The following KITLG variants were observed in gnomAD, a reference collection of about 807,000 sequenced individuals.
The protein encoded by KITLG is c-Kit ligand.
Under a neutral mutation model 34.1 loss-of-function variants are expected in KITLG, and 13 were observed. The observed-to-expected ratio is 0.38, with a 90% CI of 0.25 to 0.61. The LOEUF (loss-of-function observed/expected upper bound fraction) is 0.61. Ranked by LOEUF, KITLG falls within the 20% of genes least tolerant of loss-of-function variation. KITLG has a pLI of 0.60. For synonymous variants in KITLG, 110 were observed against 104.0 expected, an observed-to-expected ratio of 1.06 and a Z score of -0.35; for missense variants, 292 against 318.9, an observed-to-expected ratio of 0.92 and a Z score of 0.64.
At chr12:88,503,031 G>A (rs1213770922) in intron 9 of KITLG, among the ~76,000 whole-genome samples, 4 of 152,072 alleles carry the variant, frequency 2.6e-5, no homozygotes, top group Non-Finnish European at 4.4e-5. Context: ...TCAAGCAAAC[G>A]GTCTATCCAT....
rs1178925370 is a variant in KITLG at position 88,493,865 on chromosome 12, C to T, written c.*3354G>A. ...ATTCAAGCAAAGGAAAAAGCCATCT[C>T]TTGTGTAAATGGTGATCCAATTCAC... On this transcript the variant is annotated 3_prime_UTR_variant, in exon 10 of 10. Coordinates refer to ENST00000644744, the MANE Select transcript of KITLG (RefSeq NM_000899.5). The T allele has an allele frequency of 6.6e-6, 1 of 151,892 alleles. No individual in the cohort carries two copies. Among genetic ancestry groups the T allele is most frequent in the East Asian group, 1.9e-4 (1 of 5,180 alleles). 9.4% of individuals were successfully genotyped at this position (151,892 alleles called of 1,614,324 possible). A position where few individuals can be genotyped will look rare whatever the true frequency, so the allele number is the denominator to read the frequency against.
At chr12:88,536,030 C>G (rs1048988121) in intron 2 of KITLG, among the ~76,000 whole-genome samples, 1 of 152,008 alleles carries the variant, frequency 6.6e-6, no homozygotes, top group Non-Finnish European at 1.5e-5. Flanking sequence ...GCAATTCCAA[C>G]AGAAACAAAA....
intron 6 of KITLG, among the ~76,000 whole-genome samples, chr12:88,511,429 G>A (rs1481229493): frequency 2.0e-5 from 3 of 152,148 alleles, no homozygotes; most frequent in East Asian, 1.9e-4. Flanking sequence ...AGATTGAGGT[G>A]TGGAAGACAG....
intron 6 of KITLG, among the ~76,000 whole-genome samples, chr12:88,511,027 C>T (rs1188792216): frequency 6.6e-6 from 1 of 152,110 alleles, no homozygotes; most frequent in East Asian, 1.9e-4. Flanking sequence ...TGAGTGACAT[C>T]ACCTAGCTAA....
intron 1 of KITLG, among the ~76,000 whole-genome samples, chr12:88,561,584 T>C (rs1191777033): frequency 6.6e-6 from 1 of 152,236 alleles, no homozygotes. Flanking sequence ...AGTATCTTCT[T>C]CTGGGAATAT....
chr12:88,506,166 C>A, intron 8 of KITLG, 145 bp downstream of exon 8: 1 of 678,502 alleles, frequency 1.5e-6, no homozygotes, highest in Non-Finnish European at 2.7e-6. Context: ...AGTGAGACAT[C>A]AGAAACATGG....
At chr12:88,524,412 T>G (rs950952402) in intron 3 of KITLG, among the ~76,000 whole-genome samples, 1 of 152,154 alleles carries the variant, frequency 6.6e-6, no homozygotes, top group Non-Finnish European at 1.5e-5. Context: ...TAATGAAAAT[T>G]TAGTGTATGA....
intron 1 of KITLG, among the ~76,000 whole-genome samples, chr12:88,571,283 T>G (rs991647122): frequency 2.0e-5 from 3 of 152,236 alleles, no homozygotes; most frequent in African/African-American, 4.8e-5. Context: ...CTATCTCTTT[T>G]AATTATCACA....
At chr12:88,557,686 G>A (rs1871142216) in intron 1 of KITLG, among the ~76,000 whole-genome samples, 1 of 152,102 alleles carries the variant, frequency 6.6e-6, no homozygotes, top group African/African-American at 2.4e-5. Context: ...TGCAATAAGT[G>A]TGTATTTTCA....
At chr12:88,545,953 A>G (rs1870705915) in intron 1 of KITLG, 88 bp from the exon 2 acceptor site, 1 of 793,022 alleles carries the variant, frequency 1.3e-6, no homozygotes, top group African/African-American at 1.7e-5. Flanking sequence ...TTGATGCACA[A>G]AAAGACCAGT....
chr12:88,516,297 T>C (rs1251730823), intron 5 of KITLG, 37 bp downstream of exon 5: 1 of 1,583,492 alleles, frequency 6.3e-7, no homozygotes, highest in African/African-American at 1.3e-5. Flanking sequence ...TTAAGTTTGT[T>C]GTTTACATTT....
At chr12:88,526,629 T>C (rs1251444303) in intron 3 of KITLG, among the ~76,000 whole-genome samples, 1 of 152,020 alleles carries the variant, frequency 6.6e-6, no homozygotes. Context: ...CACAAATACA[T>C]CCAAAACTGC....
chr12:88,502,730 C>T (rs1233953342), intron 9 of KITLG, among the ~76,000 whole-genome samples: 1 of 152,176 alleles, frequency 6.6e-6, no homozygotes, highest in Non-Finnish European at 1.5e-5. Context: ...GTAATTAAAA[C>T]CACATGATTA....
intron 6 of KITLG, among the ~76,000 whole-genome samples, chr12:88,507,440 T>C (rs928161180): frequency 2.0e-5 from 3 of 152,212 alleles, no homozygotes; most frequent in Admixed American, 1.3e-4. Flanking sequence ...AAATGACTTA[T>C]ACTATCAAGC....
At chr12:88,577,983 CTATT>C (rs996384039) in intron 1 of KITLG, among the ~76,000 whole-genome samples, 10 of 152,254 alleles carry the variant, frequency 6.6e-5, no homozygotes, top group South Asian at 4.1e-4. Flanking sequence ...TTATAAATGA[CTATT>C]TAAACTACTA....
At chr12:88,504,825 A>G (rs974426078) in intron 9 of KITLG, among the ~76,000 whole-genome samples, 4 of 152,202 alleles carry the variant, frequency 2.6e-5, no homozygotes, top group Non-Finnish European at 5.9e-5. Context: ...ATGCACATGT[A>G]TGACTGAGGC....
In KITLG at chr12:88,507,119, G is replaced by A; in HGVS notation, c.623C>T (p.Pro208Leu). The change falls in exon 7 of 10, where the codon CCT (proline) becomes CTT (leucine). Residue 208 changes from proline (P) to leucine (L), a missense_variant. Coordinates refer to ENST00000644744, the MANE Select transcript of KITLG (RefSeq NM_000899.5). ...SSSNRKAKNP[P>L]GDSSLHWAAM... ...TGCCCAGTGTAGGCTGGAGTCTCCA[G>A]GGGGATTTTTGGCCTTCCCTATAAT... 1 of 1,612,076 alleles carries A rather than the reference G, an allele frequency of 6.2e-7. No homozygotes were observed. The highest frequency in any genetic ancestry group is 8.5e-7 in the Non-Finnish European group (1 of 1,178,190).
At chr12:88,578,972 A>G (rs963362532) in intron 1 of KITLG, among the ~76,000 whole-genome samples, 1 of 152,206 alleles carries the variant, frequency 6.6e-6, no homozygotes, top group Non-Finnish European at 1.5e-5. Flanking sequence ...CCTGAAAGCT[A>G]ACCTGCTTGT....
At chr12:88,512,706 AG>A (rs1404736393) in intron 6 of KITLG, among the ~76,000 whole-genome samples, 4 of 151,848 alleles carry the variant, frequency 2.6e-5, no homozygotes, top group Non-Finnish European at 5.9e-5. Context: ...TATTTTTTTC[AG>A]AAACAATAAC....
Sources: allele counts gnomAD v4.1 joint callset (sites outside exome capture counted in the v4.1 genomes callset), GRCh38; gene constraint gnomAD v4.1.1; transcripts MANE v1.5; gene names NCBI Gene and HGNC (gene_info 2026-07-23, HGNC 2026-07-21).